Variants in RASAL2 observed in about 807,000 individuals in gnomAD.
The protein encoded by RASAL2 is ras GTPase-activating protein nGAP.
RASAL2 carries 58 observed loss-of-function variants against 128.9 expected under a neutral mutation model. The ratio of observed to expected loss-of-function variants is 0.45; its 90% CI spans 0.36 to 0.56. The LOEUF (loss-of-function observed/expected upper bound fraction) is 0.56. Ranked by LOEUF, RASAL2 falls within the 20% of genes least tolerant of loss-of-function variation. RASAL2 has a pLI of 0.00. For missense variants in RASAL2, 1,360 were observed against 1,601.6 expected (o/e 0.85, Z 2.57); for synonymous variants, 561 against 580.8 (o/e 0.97, Z 0.49).
chr1:178,470,822 G>A (rs1343370677), intron 17 of RASAL2: 5 of 1,003,876 alleles, frequency 5.0e-6, no homozygotes, highest in Non-Finnish European at 7.0e-6. Flanking sequence ...CTCCCCACAT[G>A]GGAATCCTTC....
chr1:178,335,215 A>T (rs193180047), intron 3 of RASAL2, among the ~76,000 whole-genome samples: 6 of 151,974 alleles, frequency 3.9e-5, no homozygotes, highest in Non-Finnish European at 5.9e-5. Context: ...CAGGACCATA[A>T]TTTTCAAAGG....
chr1:178,109,163 T>C (rs956403737), intron 1 of RASAL2, among the ~76,000 whole-genome samples: 3 of 152,222 alleles, frequency 2.0e-5, no homozygotes, highest in African/African-American at 7.2e-5. Flanking sequence ...TTAGTAATTC[T>C]AGGAAAGAGA....
At chr1:178,226,204 T>C (rs998953186) in intron 1 of RASAL2, among the ~76,000 whole-genome samples, 14 of 152,156 alleles carry the variant, frequency 9.2e-5, no homozygotes. Flanking sequence ...TAATATGATC[T>C]CCTAGTATAG....
intron 1 of RASAL2, among the ~76,000 whole-genome samples, chr1:178,233,363 T>C (rs1664089746): frequency 6.6e-6 from 1 of 152,242 alleles, no homozygotes; most frequent in Admixed American, 6.5e-5. Flanking sequence ...AACCTGCTTA[T>C]GCAGATTCAG....
intron 2 of RASAL2, among the ~76,000 whole-genome samples, chr1:178,285,222 G>A (rs1045846008): frequency 4.9e-5 from 7 of 142,576 alleles, no homozygotes; most frequent in Admixed American, 3.7e-4. Flanking sequence ...CCGGGTTCAC[G>A]CCATTCTCCT....
chr1:178,410,340 G>T (rs1047017181), intron 4 of RASAL2, among the ~76,000 whole-genome samples: 1 of 151,970 alleles, frequency 6.6e-6, no homozygotes, highest in Non-Finnish European at 1.5e-5. Context: ...ATGAAGCTGG[G>T]TCCTCATCTC....
chr1:178,096,689 A>G (rs1437533918), intron 1 of RASAL2, among the ~76,000 whole-genome samples: 3 of 151,950 alleles, frequency 2.0e-5, no homozygotes, highest in Non-Finnish European at 4.4e-5. Context: ...TATACATACC[A>G]TGCCTTGCAT....
At chr1:178,265,175 TCATATAACTCA>T (rs1169593186) in intron 1 of RASAL2, among the ~76,000 whole-genome samples, 1 of 152,234 alleles carries the variant, frequency 6.6e-6, no homozygotes, top group Non-Finnish European at 1.5e-5. Context: ...ATTAGTGTTT[TCATATAACTCA>T]CATTTGGCCT....
chr1:178,467,524 C>A, intron 17 of RASAL2, 103 bp downstream of exon 17: 1 of 915,142 alleles, frequency 1.1e-6, no homozygotes, highest in South Asian at 1.4e-5. Context: ...AAAAATGTGT[C>A]ATTGAAAAGT....
intron 1 of RASAL2, among the ~76,000 whole-genome samples, chr1:178,212,218 C>G (rs956702497): frequency 6.6e-6 from 1 of 152,182 alleles, no homozygotes; most frequent in African/African-American, 2.4e-5. Flanking sequence ...AAAACTTCAG[C>G]TAGTTCATTC....
At chr1:178,372,412 T>C (rs760459471) in intron 3 of RASAL2, 125 of 911,692 alleles carry the variant, frequency 1.4e-4, no homozygotes, top group Non-Finnish European at 1.6e-4. Flanking sequence ...CTAAATCCAC[T>C]TTTGTATTTT....
chr1:178,469,130 C>G (rs1648021842), intron 17 of RASAL2, among the ~76,000 whole-genome samples: 2 of 151,968 alleles, frequency 1.3e-5, no homozygotes, highest in Non-Finnish European at 2.9e-5. Flanking sequence ...AGACCCACCT[C>G]TACAAAAAAT....
chr1:178,305,322 A>G (rs550553611), intron 3 of RASAL2, among the ~76,000 whole-genome samples: 24 of 152,242 alleles, frequency 1.6e-4, no homozygotes, highest in Non-Finnish European at 3.2e-4. Context: ...TGGAATCACA[A>G]AAGACCCTGA....
At chr1:178,106,696 A>G (rs1659102895) in intron 1 of RASAL2, among the ~76,000 whole-genome samples, 1 of 152,332 alleles carries the variant, frequency 6.6e-6, no homozygotes, top group Admixed American at 6.5e-5. Flanking sequence ...ATGGTATCAT[A>G]TGGTGATTTC....
chr1:178,441,031 GA>G, intron 6 of RASAL2, among the ~76,000 whole-genome samples: 1 of 152,174 alleles, frequency 6.6e-6, no homozygotes, highest in East Asian at 1.9e-4. Context: ...TGATTTTTCT[GA>G]ACCATAGGCC....
In RASAL2 at chr1:178,220,962, G is replaced by A. The variant is rs150017792; in HGVS notation, c.203-62602G>A. On this transcript the variant is annotated intron_variant, in intron 1 of 17. Transcript: ENST00000367649. ...AAAGAGTACGATTGCTGAATTGTACGTTAAGAGTATGTTTAGTTTTTAAAG... is the reference window on the plus strand; with the variant it reads ...AAAGAGTACGATTGCTGAATTGTACATTAAGAGTATGTTTAGTTTTTAAAG... Among the ~76,000 whole-genome samples the A allele has an allele frequency of 7.5e-4, 114 of 152,296 alleles. 2 individuals are homozygous for A. In the East Asian group the frequency reaches 0.02, roughly 27 times the overall value.
chr1:178,153,654 A>G (rs1010905604), intron 1 of RASAL2, among the ~76,000 whole-genome samples: 1 of 152,170 alleles, frequency 6.6e-6, no homozygotes, highest in Non-Finnish European at 1.5e-5. Context: ...TTAATCCTGA[A>G]TAGTATTCCA....
intron 2 of RASAL2, among the ~76,000 whole-genome samples, chr1:178,299,597 A>G (rs1448076419): frequency 6.6e-6 from 1 of 151,968 alleles, no homozygotes; most frequent in African/African-American, 2.4e-5. Context: ...TCCCAGGTTC[A>G]AGCGATTCTC....
intron 3 of RASAL2, among the ~76,000 whole-genome samples, chr1:178,353,286 A>C (rs1557923571): frequency 6.6e-6 from 1 of 152,234 alleles, no homozygotes; most frequent in Non-Finnish European, 1.5e-5. Flanking sequence ...GCCAGGCTAC[A>C]TCTTGATTAC....
Sources: gnomAD v4.1 joint callset for allele counts (sites outside exome capture counted in the v4.1 genomes callset) on GRCh38, gnomAD v4.1.1 for gene constraint, MANE v1.5 for transcripts, NCBI Gene and HGNC (gene_info 2026-07-23, HGNC 2026-07-21) for gene names.